The following PPM1H variants were observed in gnomAD, a reference collection of about 807,000 sequenced individuals.
The protein encoded by PPM1H is protein phosphatase, Mg2+/Mn2+ dependent 1H.
A neutral mutation model predicts 54.9 loss-of-function variants in PPM1H; 27 were observed. The ratio of observed to expected loss-of-function variants is 0.49; its 90% CI spans 0.36 to 0.68. The LOEUF (loss-of-function observed/expected upper bound fraction) is 0.68. Among genes scored for constraint, PPM1H ranks in the 30% least tolerant of loss-of-function variants. PPM1H has a pLI of 0.00. For synonymous variants in PPM1H, 305 were observed against 270.8 expected (o/e 1.13, Z -1.24); for missense variants, 596 against 667.8 (o/e 0.89, Z 1.19).
intron 8 of PPM1H, among the ~76,000 whole-genome samples, chr12:62,682,148 AT>A (rs1276396969): frequency 6.6e-6 from 1 of 152,130 alleles, no homozygotes; most frequent in Non-Finnish European, 1.5e-5. Context: ...TTTAAAACAA[AT>A]TTTTCTTCCT....
In PPM1H at chr12:62,647,261, G is replaced by A. The variant is rs2075791202; in HGVS notation, c.*1228C>T. 6.6e-6 allele frequency: 1 copy of A among 152,246 alleles called. No homozygotes were observed. 9.4% of individuals were successfully genotyped at this position (152,246 alleles called of 1,614,324 possible). A position where few individuals can be genotyped will look rare whatever the true frequency, so the allele number is the denominator to read the frequency against. Reference sequence around the variant, plus strand: ...GATTCTTTAGAGAAGAGAAGAGACAGGGAGCACAGCATGAGAATGGCCAGT... The same window carrying A: ...GATTCTTTAGAGAAGAGAAGAGACAAGGAGCACAGCATGAGAATGGCCAGT... On this transcript the variant is annotated 3_prime_UTR_variant, in exon 10 of 10. Coordinates refer to ENST00000228705, the MANE Select transcript of PPM1H (RefSeq NM_020700.2).
intron 5 of PPM1H, among the ~76,000 whole-genome samples, chr12:62,735,168 A>G (rs2076343961): frequency 6.6e-6 from 1 of 152,260 alleles, no homozygotes; most frequent in African/African-American, 2.4e-5. Context: ...ACTGTTTGGT[A>G]ATGATCTAGA....
chr12:62,800,591 C>T (rs971886127), intron 3 of PPM1H, among the ~76,000 whole-genome samples: 1 of 152,132 alleles, frequency 6.6e-6, no homozygotes, highest in East Asian at 1.9e-4. Flanking sequence ...CCCACCTCGA[C>T]CTCCCAAAGT....
At position 62,788,254 on chromosome 12, in the gene PPM1H, G is replaced by C. The variant is rs756283774; in HGVS notation, c.841C>G (p.Leu281Val). Residue 281 changes from leucine (L) to valine (V), a missense_variant, in exon 4 of 10, where the codon CTG (leucine) becomes GTG (valine). Leu to Val is a conservative substitution (Grantham distance 32). Coordinates refer to ENST00000228705, the MANE Select transcript of PPM1H (RefSeq NM_020700.2). ...ALIVICLLGK[L>V]YVANAGDSRA... is the part of the protein sequence containing the mutation. Reference sequence around the variant, plus strand: ...CTATCCCCAGCATTTGCAACATACAGCTTCCCCAAAAGGCAAATCACAATG... The same window carrying C: ...CTATCCCCAGCATTTGCAACATACACCTTCCCCAAAAGGCAAATCACAATG... The C allele has an allele frequency of 1.3e-6, 2 of 1,598,966 alleles. No homozygotes were observed. Among genetic ancestry groups the C allele is most frequent in the Non-Finnish European group, 1.7e-6 (2 of 1,172,138 alleles).
At chr12:62,871,718 G>A (rs1159843513) in intron 1 of PPM1H, among the ~76,000 whole-genome samples, 1 of 151,954 alleles carries the variant, frequency 6.6e-6, no homozygotes, top group African/African-American at 2.4e-5. Context: ...GTTTTGCCAT[G>A]TTGCCCAGGC....
chr12:62,737,336 C>T (rs1297837328), intron 5 of PPM1H, among the ~76,000 whole-genome samples, 166 bp downstream of exon 5: 1 of 151,846 alleles, frequency 6.6e-6, no homozygotes, highest in Non-Finnish European at 1.5e-5. Context: ...TCGTCACACA[C>T]GGAGCCAGGA....
intron 2 of PPM1H, among the ~76,000 whole-genome samples, chr12:62,828,223 T>C (rs990293671): frequency 5.3e-5 from 8 of 152,340 alleles, no homozygotes; most frequent in Middle Eastern, 3.4e-3. Flanking sequence ...TAGTAAATTA[T>C]AGAAGTGGAA....
At chr12:62,791,170 A>G (rs149313526) in intron 3 of PPM1H, among the ~76,000 whole-genome samples, 80 of 152,344 alleles carry the variant, frequency 5.3e-4, no homozygotes, top group East Asian at 3.3e-3. Flanking sequence ...TACAATGCCA[A>G]CGCTCGCTGA....
At chr12:62,648,717 G>GCAT in intron 9 of PPM1H, 81 bp from the exon 10 acceptor site, 1 of 1,459,432 alleles carries the variant, frequency 6.9e-7, no homozygotes, top group South Asian at 1.2e-5. Context: ...GAAGGGGGAG[G>GCAT]CATCACTACA....
intron 6 of PPM1H, among the ~76,000 whole-genome samples, chr12:62,714,218 A>G (rs1286915641): frequency 6.6e-6 from 1 of 152,054 alleles, no homozygotes; most frequent in African/African-American, 2.4e-5. Context: ...TCGGGAAATA[A>G]ATTTTTAATT....
chr12:62,674,501 G>A (rs1338361439), intron 8 of PPM1H, among the ~76,000 whole-genome samples: 1 of 152,140 alleles, frequency 6.6e-6, no homozygotes, highest in Non-Finnish European at 1.5e-5. Context: ...AAACCAAGTA[G>A]ATCATTTCAA....
At chr12:62,791,353 G>C (rs919160879) in intron 3 of PPM1H, among the ~76,000 whole-genome samples, 2 of 152,108 alleles carry the variant, frequency 1.3e-5, no homozygotes, top group Non-Finnish European at 2.9e-5. Context: ...AAAACATCAA[G>C]ATGCCTGTTT....
intron 6 of PPM1H, among the ~76,000 whole-genome samples, chr12:62,711,331 C>G (rs1410232748): frequency 6.6e-6 from 1 of 152,120 alleles, no homozygotes; most frequent in Non-Finnish European, 1.5e-5. Flanking sequence ...AATGGGGAAA[C>G]CAAGGCTGAC....
At position 62,744,514 on chromosome 12, in the gene PPM1H, G is replaced by T. The variant is rs79001242; in HGVS notation, c.870-6928C>A. The stretch of plus-strand genomic sequence containing the variant: ...GAGTGAAATTCTATTTTGTGACCTG[G>T]AGTTATCCATGATATAGTAAGTGAG... On this transcript the variant is annotated intron_variant, in intron 4 of 9. Coordinates refer to ENST00000228705, the MANE Select transcript of PPM1H (RefSeq NM_020700.2). Among the ~76,000 whole-genome samples the T allele has an allele frequency of 9.9e-3, 1,508 of 151,960 alleles. 19 individuals carry two copies. Among genetic ancestry groups the T allele is most frequent in the East Asian group, 0.064 (331 of 5,174 alleles).
chr12:62,745,642 T>C (rs1237179577), intron 4 of PPM1H, among the ~76,000 whole-genome samples: 1 of 152,210 alleles, frequency 6.6e-6, no homozygotes, highest in Non-Finnish European at 1.5e-5. Context: ...CTGCATCTGT[T>C]TCAGGAGCCA....
intron 1 of PPM1H, among the ~76,000 whole-genome samples, chr12:62,909,373 C>T (rs1468927526): frequency 6.6e-6 from 1 of 152,210 alleles, no homozygotes; most frequent in Admixed American, 6.5e-5. Context: ...CACTGACCTT[C>T]CATCTCAGCA....
At chr12:62,811,240 G>A (rs550335327) in intron 2 of PPM1H, among the ~76,000 whole-genome samples, 4 of 152,268 alleles carry the variant, frequency 2.6e-5, no homozygotes, top group African/African-American at 9.6e-5. Context: ...TCATACAACT[G>A]TATACCAAAA....
intron 4 of PPM1H, among the ~76,000 whole-genome samples, chr12:62,777,640 A>G (rs2076618958): frequency 6.6e-6 from 1 of 152,208 alleles, no homozygotes; most frequent in East Asian, 1.9e-4. Flanking sequence ...GATGACAGCA[A>G]TGGGAGGAAA....
chr12:62,809,868 T>C (rs1237647834), intron 2 of PPM1H, among the ~76,000 whole-genome samples: 1 of 152,198 alleles, frequency 6.6e-6, no homozygotes, highest in East Asian at 1.9e-4. Flanking sequence ...TCTGGAACTA[T>C]GACCATCATG....
Sources: gnomAD v4.1 joint callset for allele counts (sites outside exome capture counted in the v4.1 genomes callset) on GRCh38, gnomAD v4.1.1 for gene constraint, MANE v1.5 for transcripts, NCBI Gene and HGNC (gene_info 2026-07-23, HGNC 2026-07-21) for gene names.